Variants in FSTL5 observed in about 807,000 individuals in gnomAD.
The protein encoded by FSTL5 is follistatin like 5.
A neutral mutation model predicts 89.1 loss-of-function variants in FSTL5; 62 were observed. The observed-to-expected ratio is 0.70, with a 90% CI of 0.57 to 0.86. The LOEUF is 0.86. FSTL5 is among the 40% of genes least tolerant of loss of function. The pLI is 0.00. For synonymous variants in FSTL5, 383 were observed against 346.2 expected (o/e 1.11, Z -1.18); for missense variants, 1,057 against 1,001.6 (o/e 1.06, Z -0.75).
At chr4:161,962,567 T>A (rs1735213803) in intron 3 of FSTL5, among the ~76,000 whole-genome samples, 1 of 151,948 alleles carries the variant, frequency 6.6e-6, no homozygotes. Context: ...CTCGGAGTAT[T>A]AATGAGCCCG....
At chr4:161,435,921 T>C (rs1732544533) in intron 15 of FSTL5, among the ~76,000 whole-genome samples, 1 of 152,066 alleles carries the variant, frequency 6.6e-6, no homozygotes, top group South Asian at 2.1e-4. Context: ...TTTTAAAGTT[T>C]ATTTTATTTT....
At chr4:162,053,555 C>A (rs959249012) in intron 2 of FSTL5, among the ~76,000 whole-genome samples, 1 of 151,594 alleles carries the variant, frequency 6.6e-6, no homozygotes, top group South Asian at 2.1e-4. Flanking sequence ...AGACTATGCT[C>A]CCCCAAATTT....
intron 11 of FSTL5, among the ~76,000 whole-genome samples, chr4:161,505,254 A>T (rs905112729): frequency 6.6e-6 from 1 of 152,168 alleles, no homozygotes; most frequent in East Asian, 1.9e-4. Flanking sequence ...TGGTTCATGA[A>T]TGTTCTCATT....
At chr4:161,444,482 T>C (rs1732879629) in intron 15 of FSTL5, among the ~76,000 whole-genome samples, 1 of 151,652 alleles carries the variant, frequency 6.6e-6, no homozygotes, top group African/African-American at 2.4e-5. Context: ...AATTCTCACT[T>C]CTGCTTGTAT....
intron 7 of FSTL5, among the ~76,000 whole-genome samples, chr4:161,628,844 G>A (rs1735401468): frequency 6.6e-6 from 1 of 152,106 alleles, no homozygotes; most frequent in Non-Finnish European, 1.5e-5. Flanking sequence ...CTGCCTGGCT[G>A]TACTATGAAA....
chr4:161,632,273 G>A (rs1475496311), intron 7 of FSTL5, among the ~76,000 whole-genome samples: 1 of 152,058 alleles, frequency 6.6e-6, no homozygotes, highest in Non-Finnish European at 1.5e-5. Flanking sequence ...CCATCTACTT[G>A]GGAGGCTGAG....
intron 2 of FSTL5, among the ~76,000 whole-genome samples, chr4:162,058,472 G>T (rs1448635391): frequency 6.9e-6 from 1 of 144,574 alleles, no homozygotes; most frequent in Non-Finnish European, 1.5e-5. Flanking sequence ...TGTCCCCCAG[G>T]CTAGAGTGCA....
chr4:161,863,498 G>A (rs754844176), intron 4 of FSTL5, among the ~76,000 whole-genome samples: 1 of 152,268 alleles, frequency 6.6e-6, no homozygotes, highest in Admixed American at 6.5e-5. Flanking sequence ...AGAACATTGC[G>A]AGGCATGATG....
chr4:161,889,645 T>A (rs1732924929), intron 4 of FSTL5, among the ~76,000 whole-genome samples: 1 of 151,814 alleles, frequency 6.6e-6, no homozygotes, highest in Admixed American at 6.6e-5. Flanking sequence ...CTCTGTCGAA[T>A]AAATAAATAA....
At chr4:161,645,300 G>A (rs1019357914) in intron 7 of FSTL5, among the ~76,000 whole-genome samples, 5 of 151,996 alleles carry the variant, frequency 3.3e-5, no homozygotes, top group Non-Finnish European at 7.4e-5. Flanking sequence ...TTATGAACAT[G>A]TAAATAATAT....
At chr4:161,822,649 G>T (rs1730526773) in intron 4 of FSTL5, among the ~76,000 whole-genome samples, 1 of 152,162 alleles carries the variant, frequency 6.6e-6, no homozygotes, top group East Asian at 1.9e-4. Flanking sequence ...TCCCCAAAGG[G>T]CCATGGCTCT....
intron 3 of FSTL5, among the ~76,000 whole-genome samples, chr4:161,974,242 G>A (rs1400114233): frequency 6.6e-6 from 1 of 152,128 alleles, no homozygotes; most frequent in Non-Finnish European, 1.5e-5. Flanking sequence ...TTTCTTCACA[G>A]AATTGGAAAA....
chr4:161,841,537 T>A (rs940573712), intron 4 of FSTL5, among the ~76,000 whole-genome samples: 3 of 152,178 alleles, frequency 2.0e-5, no homozygotes, highest in Non-Finnish European at 4.4e-5. Flanking sequence ...TGACAAATAT[T>A]TATTGAGTAG....
chr4:161,512,296 C>A (rs1730678420), intron 10 of FSTL5, among the ~76,000 whole-genome samples: 1 of 152,040 alleles, frequency 6.6e-6, no homozygotes, highest in Admixed American at 6.6e-5. Context: ...GTATTCAGCA[C>A]TCACATACAC....
intron 2 of FSTL5, among the ~76,000 whole-genome samples, chr4:162,061,962 G>C (rs1415728398): frequency 6.6e-6 from 1 of 151,806 alleles, no homozygotes; most frequent in Non-Finnish European, 1.5e-5. Context: ...TGTACTAAGA[G>C]CATCTCTCTT....
At chr4:161,661,407 T>C (rs1736706032) in intron 6 of FSTL5, among the ~76,000 whole-genome samples, 1 of 152,140 alleles carries the variant, frequency 6.6e-6, no homozygotes, top group African/African-American at 2.4e-5. Context: ...ATAATGGGTA[T>C]TTTACCTCTC....
chr4:161,662,633 G>C (rs111294539), intron 6 of FSTL5, among the ~76,000 whole-genome samples: 1 of 152,056 alleles, frequency 6.6e-6, no homozygotes, highest in Non-Finnish European at 1.5e-5. Flanking sequence ...ATGAAACCAG[G>C]GTTCTTTTGA....
At chr4:162,127,889 A>T (rs1185906413) in intron 1 of FSTL5, among the ~76,000 whole-genome samples, 1 of 152,192 alleles carries the variant, frequency 6.6e-6, no homozygotes, top group South Asian at 2.1e-4. Flanking sequence ...ATACACATTT[A>T]TGGGATACAC....
At chr4:161,559,747 C>T (rs2126568809) in intron 8 of FSTL5, among the ~76,000 whole-genome samples, 1 of 151,838 alleles carries the variant, frequency 6.6e-6, no homozygotes, top group Admixed American at 6.6e-5. Context: ...GTGTTCATGC[C>T]TTACTTAATG....
Sources: gnomAD v4.1 joint callset for allele counts (sites outside exome capture counted in the v4.1 genomes callset) on GRCh38, gnomAD v4.1.1 for gene constraint, MANE v1.5 for transcripts, NCBI Gene and HGNC (gene_info 2026-07-23, HGNC 2026-07-21) for gene names.